LRRFIP1: variants seen among roughly 807,000 people sequenced by gnomAD.
LRRFIP1 encodes the protein LRR binding FLII interacting protein 1.
Under a neutral mutation model 104.4 loss-of-function variants are expected in LRRFIP1, and 62 were observed. The ratio of observed to expected loss-of-function variants is 0.59; its 90% CI spans 0.48 to 0.73. LRRFIP1 has a LOEUF of 0.73. Among genes scored for constraint, LRRFIP1 ranks in the 30% least tolerant of loss-of-function variants. LRRFIP1 has a pLI of 0.00. For synonymous variants in LRRFIP1, 300 were observed against 299.0 expected (o/e 1.00, Z -0.03); for missense variants, 796 against 824.5 (o/e 0.97, Z 0.42).
chr2:237,677,536 A>T (rs2091298724), intron 1 of LRRFIP1, among the ~76,000 whole-genome samples: 1 of 152,214 alleles, frequency 6.6e-6, no homozygotes, highest in Non-Finnish European at 1.5e-5. Context: ...TCATATCTAT[A>T]ACCCTAGCAC....
intron 1 of LRRFIP1, among the ~76,000 whole-genome samples, chr2:237,643,495 C>G (rs376340261): frequency 6.6e-6 from 1 of 152,250 alleles, no homozygotes; most frequent in Non-Finnish European, 1.5e-5. Context: ...TGGCTTTTTC[C>G]TGCTCAGACG....
intron 19 of LRRFIP1, among the ~76,000 whole-genome samples, chr2:237,762,331 C>T (rs1009014556): frequency 1.3e-5 from 2 of 152,158 alleles, no homozygotes; most frequent in African/African-American, 2.4e-5. Context: ...TGAAACTTAA[C>T]GTCACCTTTA....
chr2:237,735,191 G>A lies in LRRFIP1; in HGVS notation c.490-77G>A. On this transcript the variant is annotated intron_variant, in intron 9 of 23. Transcript: ENST00000308482. The surrounding 1 kb of genome is among the most constrained non-coding windows in gnomAD (Gnocchi z 4.6). The stretch of plus-strand genomic sequence containing the variant: ...TCCTGGCACGTGTCAGTTTTTCACA[G>A]CTCACGTTTTCAGCACTTTCTGGGC... The A allele has an allele frequency of 8.0e-7, 1 of 1,246,698 alleles. No individual in the cohort carries two copies. The highest frequency in any genetic ancestry group is 1.1e-6 in the Non-Finnish European group (1 of 874,340). The allele number at this position is 1,246,698 out of a possible 1,614,324, so 77.2% of individuals were successfully genotyped here. A position where few individuals can be genotyped will look rare whatever the true frequency, so the allele number is the denominator to read the frequency against.
At chr2:237,727,370 A>G (rs1214949494) in intron 7 of LRRFIP1, among the ~76,000 whole-genome samples, 1 of 151,438 alleles carries the variant, frequency 6.6e-6, no homozygotes, top group African/African-American at 2.4e-5. Flanking sequence ...AAAAAAAAAA[A>G]AAAGAAATGA....
chr2:237,721,405 T>C (rs1197586011), intron 6 of LRRFIP1: 1 of 152,284 alleles, frequency 6.6e-6, no homozygotes, highest in Non-Finnish European at 1.5e-5. Flanking sequence ...TATGGACTTT[T>C]CCTTAAACAT....
intron 10 of LRRFIP1, among the ~76,000 whole-genome samples, chr2:237,736,521 G>A (rs534166397): frequency 1.2e-4 from 19 of 152,290 alleles, no homozygotes; most frequent in African/African-American, 4.6e-4. Flanking sequence ...TTTTCTGGTG[G>A]CTTCAGTAGA....
intron 2 of LRRFIP1, among the ~76,000 whole-genome samples, chr2:237,709,681 C>T (rs953818448): frequency 2.6e-5 from 4 of 152,074 alleles, no homozygotes; most frequent in East Asian, 1.9e-4. Flanking sequence ...CATTGCCCTC[C>T]GCTGCTAGGA....
At chr2:237,699,782 A>G (rs181891026) in intron 1 of LRRFIP1, among the ~76,000 whole-genome samples, 1,509 of 150,292 alleles carry the variant, frequency 0.01, 96 homozygotes, top group Admixed American at 0.092. Context: ...CTTCTTCCCA[A>G]TCTTTTTGAC....
chr2:237,765,928 A>G, intron 19 of LRRFIP1: 2 of 984,594 alleles, frequency 2.0e-6, no homozygotes, highest in Non-Finnish European at 1.2e-6. Flanking sequence ...CTGTGGTTCC[A>G]CTCTTTGGGC....
At chr2:237,676,865 C>T (rs1404078774) in intron 1 of LRRFIP1, among the ~76,000 whole-genome samples, 1 of 152,210 alleles carries the variant, frequency 6.6e-6, no homozygotes, top group East Asian at 1.9e-4. Flanking sequence ...TCTCTCCACA[C>T]AGATCTCCTG....
intron 7 of LRRFIP1, among the ~76,000 whole-genome samples, chr2:237,724,590 T>C (rs1055858301): frequency 6.6e-6 from 1 of 152,192 alleles, no homozygotes; most frequent in African/African-American, 2.4e-5. Context: ...ATCTGTTACT[T>C]ACCTACAGAG....
At chr2:237,665,346 C>G (rs1559498692) in intron 1 of LRRFIP1, among the ~76,000 whole-genome samples, 2 of 152,062 alleles carry the variant, frequency 1.3e-5, no homozygotes, top group Non-Finnish European at 2.9e-5. Flanking sequence ...TGATTTTGAA[C>G]AAAACATGTA....
intron 1 of LRRFIP1, among the ~76,000 whole-genome samples, chr2:237,689,885 G>A (rs968010544): frequency 6.6e-6 from 1 of 152,200 alleles, no homozygotes; most frequent in Non-Finnish European, 1.5e-5. Context: ...TGTGCCCAGC[G>A]GGATCCCCGT....
At chr2:237,650,417 G>A (rs2085735850) in intron 1 of LRRFIP1, among the ~76,000 whole-genome samples, 2 of 152,010 alleles carry the variant, frequency 1.3e-5, no homozygotes, top group Admixed American at 1.3e-4. Context: ...CAAGAGGGGT[G>A]GCTATTGGAC....
At chr2:237,692,573 A>G (rs1311363441) in intron 1 of LRRFIP1, 7 of 1,465,920 alleles carry the variant, frequency 4.8e-6, no homozygotes, top group Non-Finnish European at 6.4e-6. Flanking sequence ...GCGGGGTTTC[A>G]GGGGCTTCCA....
chr2:237,748,508 T>G, intron 12 of LRRFIP1, 109 bp downstream of exon 12: 1 of 1,060,674 alleles, frequency 9.4e-7, no homozygotes, highest in Non-Finnish European at 1.4e-6. Flanking sequence ...GCGAGGGAAC[T>G]GGACTAGAAA....
chr2:237,761,997 C>T (rs2059925255), intron 19 of LRRFIP1, among the ~76,000 whole-genome samples: 1 of 152,182 alleles, frequency 6.6e-6, no homozygotes, highest in Non-Finnish European at 1.5e-5. Flanking sequence ...GGTATCAGGG[C>T]ATGGACACAG....
At position 237,627,753 on chromosome 2, in the gene LRRFIP1, G is replaced by A. The variant is rs962483209; in HGVS notation, c.96+13G>A. ...GATCGCGCGGGAGGTGAGCGCTCCG[G>A]GAGGGCAGCCGGGGGGCGCCGGGCG... On this transcript the variant is annotated intron_variant, in intron 1 of 23. Transcript: ENST00000308482. 2.4e-6 allele frequency: 3 copies of A among 1,238,470 alleles called. No individual in the cohort carries two copies. Among genetic ancestry groups the A allele is most frequent in the South Asian group, 2.4e-5 (1 of 40,910 alleles). 76.7% of individuals were successfully genotyped at this position (1,238,470 alleles called of 1,614,324 possible).
chr2:237,633,057 C>T (rs1040942805), intron 1 of LRRFIP1, among the ~76,000 whole-genome samples: 1 of 152,210 alleles, frequency 6.6e-6, no homozygotes, highest in African/African-American at 2.4e-5. Flanking sequence ...CTTTGTTCCA[C>T]AGGAGTTGGG....
Sources: gnomAD v4.1 joint callset for allele counts (sites outside exome capture counted in the v4.1 genomes callset) on GRCh38, gnomAD v4.1.1 for gene constraint, Gnocchi (gnomAD v3.1) non-coding constraint, MANE v1.5 for transcripts, NCBI Gene and HGNC (gene_info 2026-07-23, HGNC 2026-07-21) for gene names.